SYT1: variants seen among roughly 807,000 people sequenced by gnomAD.
The protein encoded by SYT1 is synaptotagmin 1, also known as synaptotagmin-1.
In SYT1, 8 loss-of-function variants were observed where a neutral mutation model predicts 44.8. The ratio of observed to expected loss-of-function variants is 0.18; its 90% CI spans 0.10 to 0.32. SYT1 has a LOEUF of 0.32. SYT1 is among the 10% of genes least tolerant of loss of function. The pLI is 1.00. For synonymous variants in SYT1, 154 were observed against 188.8 expected (o/e 0.82, Z 1.51); for missense variants, 286 against 509.3 (o/e 0.56, Z 4.22).
intron 2 of SYT1, among the ~76,000 whole-genome samples, chr12:79,045,089 G>T (rs900873147): frequency 6.6e-6 from 1 of 152,050 alleles, no homozygotes; most frequent in South Asian, 2.1e-4. Context: ...TCTGTGCCCT[G>T]CCCCCAGAGG....
intron 4 of SYT1, among the ~76,000 whole-genome samples, chr12:79,223,722 T>C (rs1052987595): frequency 2.8e-4 from 43 of 152,112 alleles, no homozygotes; most frequent in African/African-American, 1.0e-3. Flanking sequence ...GAGATCGAGT[T>C]TGCCATACGA....
intron 4 of SYT1, among the ~76,000 whole-genome samples, chr12:79,241,902 A>G (rs1311451855): frequency 6.6e-6 from 1 of 152,170 alleles, no homozygotes; most frequent in African/African-American, 2.4e-5. Context: ...TCCTTAGAAG[A>G]GAAGAGAGAT....
chr12:79,234,854 G>A (rs916177835), intron 4 of SYT1, among the ~76,000 whole-genome samples: 1 of 151,976 alleles, frequency 6.6e-6, no homozygotes, highest in Non-Finnish European at 1.5e-5. Context: ...GGGACTACAG[G>A]CACATGCCAC....
chr12:79,063,693 T>C (rs1408384754), intron 3 of SYT1, among the ~76,000 whole-genome samples: 4 of 152,162 alleles, frequency 2.6e-5, no homozygotes, highest in African/African-American at 9.7e-5. Context: ...TGAAATAATT[T>C]AGGGCTCTGA....
At position 78,865,120 on chromosome 12, in the gene SYT1, G is replaced by C. The variant is rs949895913; in HGVS notation, c.-217+11G>C. Reference sequence around the variant, plus strand: ...CGGTCCGCCCTCCAGGTAAGGAAGCGGGACTGGCGGCGCGGCCACCTCGGC... The same window carrying C: ...CGGTCCGCCCTCCAGGTAAGGAAGCCGGACTGGCGGCGCGGCCACCTCGGC... On this transcript the variant is annotated intron_variant, in intron 1 of 10. Transcript: ENST00000261205. 6.6e-6 allele frequency: 1 copy of C among 152,234 alleles called. No individual in the cohort carries two copies. Among genetic ancestry groups the C allele is most frequent in the African/African-American group, 2.4e-5 (1 of 41,440 alleles). The allele number at this position is 152,234 out of a possible 1,614,324, so 9.4% of individuals were successfully genotyped here. A position where few individuals can be genotyped will look rare whatever the true frequency, so the allele number is the denominator to read the frequency against.
chr12:79,289,444 T>TA (rs549865057), intron 5 of SYT1, among the ~76,000 whole-genome samples: 37 of 152,300 alleles, frequency 2.4e-4, no homozygotes, highest in African/African-American at 8.2e-4. Context: ...GGAATAGACT[T>TA]AATCACTTCA....
Position 79,386,544 on chromosome 12 carries a change from C to T in SYT1, c.928+32925C>T, listed in dbSNP as rs59076932. The stretch of plus-strand genomic sequence containing the variant: ...GACCCTGGTGTGTGATGTTCCCCTC[C>T]CTGTGTCCATGTGTTCTCATTTTTC... On this transcript the variant is annotated intron_variant, in intron 9 of 10. Transcript: ENST00000261205. Among the ~76,000 whole-genome samples the T allele has an allele frequency of 4.5e-3, 689 of 152,130 alleles. 7 individuals are homozygous for T. The highest frequency in any genetic ancestry group is 0.016 in the African/African-American group (658 of 41,506).
chr12:78,928,643 A>C (rs1166716728), intron 1 of SYT1, among the ~76,000 whole-genome samples: 1 of 152,102 alleles, frequency 6.6e-6, no homozygotes, highest in African/African-American at 2.4e-5. Flanking sequence ...ACAGACAGTC[A>C]ATCCATCACA....
intron 3 of SYT1, among the ~76,000 whole-genome samples, chr12:79,179,249 G>GATATATCTATATAGATATAGAT (rs1471612050): frequency 1.4e-5 from 1 of 71,870 alleles, no homozygotes; most frequent in African/African-American, 7.1e-5. Context: ...TATAGATATA[G>GATATATCTATATAGATATAGAT]ATATAGATAT....
intron 9 of SYT1, among the ~76,000 whole-genome samples, chr12:79,356,784 T>C (rs1173672052): frequency 1.3e-5 from 2 of 152,180 alleles, no homozygotes; most frequent in East Asian, 3.9e-4. Flanking sequence ...TGAGAGGACT[T>C]TGTTGATGAT....
At chr12:79,321,668 G>T (rs1219140037) in intron 8 of SYT1, among the ~76,000 whole-genome samples, 4 of 152,146 alleles carry the variant, frequency 2.6e-5, no homozygotes, top group Non-Finnish European at 5.9e-5. Context: ...GCTGTTCAGG[G>T]CACTGGGTTT....
rs534942594 is a variant in SYT1 at position 79,200,657 on chromosome 12, C to A, written c.-17-16846C>A. Among the ~76,000 whole-genome samples the A allele has an allele frequency of 1.7e-4, 26 of 152,306 alleles. No homozygotes were observed. In the South Asian group the frequency reaches 5.4e-3, roughly 32 times the overall value. On this transcript the variant is annotated intron_variant, in intron 3 of 10. Coordinates refer to ENST00000261205, the MANE Select transcript of SYT1 (RefSeq NM_005639.3). ...AGGCACTTAGAAGGAAAGTCTGTGT[C>A]ACCATGTGTAATACTCTCTCAGTCA...
intron 3 of SYT1, among the ~76,000 whole-genome samples, chr12:79,048,768 C>T (rs1376393618): frequency 6.6e-6 from 1 of 151,760 alleles, no homozygotes. Context: ...ATTTTTCTGT[C>T]ATATATAACA....
At chr12:79,165,452 T>A (rs1871174885) in intron 3 of SYT1, among the ~76,000 whole-genome samples, 1 of 152,014 alleles carries the variant, frequency 6.6e-6, no homozygotes, top group African/African-American at 2.4e-5. Flanking sequence ...AAAATTATAA[T>A]GTTCTTTAAG....
intron 8 of SYT1, among the ~76,000 whole-genome samples, chr12:79,314,168 CAAA>C (rs34951756): frequency 2.2e-4 from 15 of 67,274 alleles, no homozygotes; most frequent in African/African-American, 3.1e-4. Context: ...GACTCCGTCT[CAAA>C]AAAAAAAAAA....
chr12:79,346,709 A>G (rs1380697682), intron 8 of SYT1, among the ~76,000 whole-genome samples: 1 of 152,246 alleles, frequency 6.6e-6, no homozygotes. Flanking sequence ...AAAATTCGTT[A>G]CTTGACTGGA....
intron 4 of SYT1, among the ~76,000 whole-genome samples, chr12:79,234,979 G>A (rs963963979): frequency 5.3e-5 from 8 of 152,144 alleles, no homozygotes; most frequent in African/African-American, 1.7e-4. Flanking sequence ...AAAATGCTGG[G>A]ATTACAGGCG....
At chr12:79,275,486 G>A (rs578241089) in intron 4 of SYT1, among the ~76,000 whole-genome samples, 1 of 152,166 alleles carries the variant, frequency 6.6e-6, no homozygotes, top group African/African-American at 2.4e-5. Flanking sequence ...CCCTCTACAT[G>A]AATATCAGTA....
chr12:79,175,001 T>C (rs1310413265), intron 3 of SYT1, among the ~76,000 whole-genome samples: 1 of 152,084 alleles, frequency 6.6e-6, no homozygotes, highest in African/African-American at 2.4e-5. Flanking sequence ...AAAGCTTGTA[T>C]GGAAAGTGTT....
Sources: gnomAD v4.1 joint callset for allele counts (sites outside exome capture counted in the v4.1 genomes callset) on GRCh38, gnomAD v4.1.1 for gene constraint, MANE v1.5 for transcripts, NCBI Gene and HGNC (gene_info 2026-07-23, HGNC 2026-07-21) for gene names.